Variants in TUT7 observed in about 807,000 individuals in gnomAD.
TUT7 encodes terminal uridylyltransferase 7.
In TUT7, 33 loss-of-function variants were observed where a neutral mutation model predicts 165.9. That is an observed-to-expected ratio of 0.20 (90% confidence interval 0.15 to 0.27). The LOEUF is 0.27. Ranked by LOEUF, TUT7 falls within the 10% of genes least tolerant of loss-of-function variation. The pLI, the probability that TUT7 is intolerant of heterozygous loss-of-function variation, is 1.00. For synonymous variants in TUT7, 552 were observed against 608.1 expected (o/e 0.91, Z 1.36); for missense variants, 1,338 against 1,762.3 (o/e 0.76, Z 4.31).
intron 26 of TUT7, among the ~76,000 whole-genome samples, chr9:86,296,034 T>G (rs1826288484): frequency 6.6e-6 from 1 of 152,192 alleles, no homozygotes; most frequent in African/African-American, 2.4e-5. Context: ...CTCTACATAC[T>G]TATGTTAAAA....
chr9:86,320,110 A>G (rs965003948), intron 14 of TUT7, among the ~76,000 whole-genome samples: 1 of 152,192 alleles, frequency 6.6e-6, no homozygotes. Context: ...GTTTCCTGAA[A>G]GACACCAGGG....
intron 16 of TUT7, among the ~76,000 whole-genome samples, chr9:86,318,552 T>C (rs754852957): frequency 2.9e-4 from 44 of 152,206 alleles, no homozygotes; most frequent in Non-Finnish European, 5.9e-4. Flanking sequence ...TGAAACAAGT[T>C]TGTCTCAAAT....
intron 9 of TUT7, 58 bp from the exon 10 acceptor site, chr9:86,337,596 C>T (rs1830921639): frequency 1.3e-5 from 21 of 1,557,626 alleles, no homozygotes; most frequent in African/African-American, 8.3e-5. Flanking sequence ...GTCATTTACA[C>T]GATTTGGCCT....
At chr9:86,297,299 C>T (rs1421699707) in intron 26 of TUT7, among the ~76,000 whole-genome samples, 1 of 152,110 alleles carries the variant, frequency 6.6e-6, no homozygotes, top group Non-Finnish European at 1.5e-5. Flanking sequence ...GTTCTAAGTA[C>T]TTTTACATGG....
intron 2 of TUT7, among the ~76,000 whole-genome samples, chr9:86,351,499 A>G (rs1235492277): frequency 6.6e-6 from 1 of 152,236 alleles, no homozygotes; most frequent in African/African-American, 2.4e-5. Flanking sequence ...AAAAAAGAAA[A>G]AAAATCAAGT....
intron 11 of TUT7, among the ~76,000 whole-genome samples, chr9:86,325,843 T>A (rs1829739863): frequency 6.6e-6 from 1 of 152,232 alleles, no homozygotes; most frequent in South Asian, 2.1e-4. Flanking sequence ...GCTAATATTC[T>A]CAGCACTGAA....
In TUT7 at chr9:86,305,276, AAT is replaced by A. The variant is rs1424211087; in HGVS notation, c.3839-39_3839-38del. On this transcript the variant is annotated intron_variant, in intron 22 of 26. Coordinates refer to ENST00000375963, the MANE Select transcript of TUT7 (RefSeq NM_024617.4). ...AATTTAAGAGCAAATAAGGTAATCA[AAT>A]AGAAAATGCCACCATTCATCCAATA... 8 of 1,393,048 alleles carry A rather than the reference AAT, an allele frequency of 5.7e-6. No individual in the cohort carries two copies. In the African/African-American group the frequency reaches 1.2e-4, roughly 20 times the overall value. 86.3% of individuals were successfully genotyped at this position (1,393,048 alleles called of 1,614,324 possible).
chr9:86,319,427 G>A (rs1035046220), intron 15 of TUT7, among the ~76,000 whole-genome samples, 157 bp downstream of exon 15: 1 of 152,182 alleles, frequency 6.6e-6, no homozygotes, highest in African/African-American at 2.4e-5. Context: ...CACTGTTTCT[G>A]TTGGTAAATG....
intron 10 of TUT7, among the ~76,000 whole-genome samples, chr9:86,336,064 A>G (rs1211803235): frequency 1.3e-5 from 2 of 152,166 alleles, no homozygotes; most frequent in African/African-American, 4.8e-5. Context: ...CATGTTAATG[A>G]CAGATGACTA....
At position 86,311,589 on chromosome 9, in the gene TUT7, TCCCTCTC is replaced by T. The variant is rs61336499; in HGVS notation, c.3275-787_3275-781del. ...TCCTCTCCCTCTCCCTCTCCCCTCT[TCCCTCTC>T]CCCTCTCCCCACGGTCTCCCTCTCC... On this transcript the variant is annotated intron_variant, in intron 17 of 26. Transcript: ENST00000375963. The surrounding 1 kb of genome is among the most constrained non-coding windows in gnomAD (Gnocchi z 4.4). Among the ~76,000 whole-genome samples the T allele has an allele frequency of 2.0e-5, 3 of 149,974 alleles. No homozygotes were observed. Among genetic ancestry groups the T allele is most frequent in the Non-Finnish European group, 3.0e-5 (2 of 67,534 alleles).
chr9:86,298,859 A>G, intron 26 of TUT7: 1 of 965,290 alleles, frequency 1.0e-6, no homozygotes, highest in African/African-American at 1.8e-5. Flanking sequence ...TGGTTTACAA[A>G]ATCGAAAGGA....
chr9:86,310,357 G>C (rs992975826), intron 18 of TUT7, among the ~76,000 whole-genome samples: 1 of 149,982 alleles, frequency 6.7e-6, no homozygotes, highest in African/African-American at 2.5e-5. Flanking sequence ...TAATAATAAA[G>C]AATTATAAGT....
intron 10 of TUT7, among the ~76,000 whole-genome samples, chr9:86,333,643 C>T (rs895588061): frequency 5.3e-5 from 8 of 152,156 alleles, no homozygotes; most frequent in African/African-American, 1.2e-4. Flanking sequence ...TCCATTACAG[C>T]TTTTAGCATA....
rs748293741 is a variant in TUT7 at position 86,328,399 on chromosome 9, C to T, written c.1549G>A (p.Gly517Arg). ...TCTTCTTTTGTTATGCCTGTGTCCC[C>T]TGCAGCACTGTCAGTATGTTCCCAG... ...VIWEHTDSAA[G>R]DTGITKEEAP... Residue 517 changes from glycine to arginine, a missense_variant, in exon 11 of 27, where the codon GGG (glycine) becomes AGG (arginine). Gly to Arg is a moderately radical substitution (Grantham distance 125, BLOSUM62 -2). Around this residue, in one of 7 missense-constraint regions of TUT7, gnomAD observed 53 missense variants for 46.3 expected, o/e 1.15. Transcript: ENST00000375963. 2 of 1,613,088 alleles carry T rather than the reference C, an allele frequency of 1.2e-6. No homozygotes were observed. The highest frequency in any genetic ancestry group is 1.7e-6 in the Non-Finnish European group (2 of 1,179,476).
At chr9:86,290,630 T>G (rs1256417578) in intron 26 of TUT7, among the ~76,000 whole-genome samples, 6 of 144,126 alleles carry the variant, frequency 4.2e-5, no homozygotes, top group African/African-American at 1.3e-4. Flanking sequence ...CTGCCTGAGC[T>G]CAGGAGTTCG....
At chr9:86,352,408 A>G (rs1832380648) in intron 2 of TUT7, 1 of 529,942 alleles carries the variant, frequency 1.9e-6, no homozygotes, top group Non-Finnish European at 3.4e-6. Context: ...CCTCTTCTGT[A>G]AAAAACACGT....
chr9:86,337,254 C>T (rs1211055454), intron 10 of TUT7, 165 bp downstream of exon 10: 1 of 767,112 alleles, frequency 1.3e-6, no homozygotes, highest in African/African-American at 1.8e-5. Flanking sequence ...TGAAATCAAA[C>T]ACATTAGTAT....
intron 17 of TUT7, among the ~76,000 whole-genome samples, chr9:86,315,480 G>A (rs1307464772): frequency 1.3e-5 from 2 of 152,164 alleles, no homozygotes; most frequent in Non-Finnish European, 2.9e-5. Flanking sequence ...GTTAATTGGT[G>A]GATCTGAATA....
At chr9:86,300,753 A>C (rs974780793) in intron 26 of TUT7, among the ~76,000 whole-genome samples, 3 of 152,230 alleles carry the variant, frequency 2.0e-5, no homozygotes, top group Admixed American at 6.5e-5. Context: ...AATCAAAATG[A>C]CAAAATCTAC....
Sources: allele counts gnomAD v4.1 joint callset (sites outside exome capture counted in the v4.1 genomes callset), GRCh38; gene constraint gnomAD v4.1.1; regional missense constraint gnomAD v4.1.1; non-coding constraint Gnocchi (gnomAD v3.1); transcripts MANE v1.5; gene names NCBI Gene and HGNC (gene_info 2026-07-23, HGNC 2026-07-21).